The following SLF1 variants were observed in gnomAD, a reference collection of about 807,000 sequenced individuals.
SLF1 encodes SMC5-SMC6 complex localization factor protein 1.
Under a neutral mutation model 123.0 loss-of-function variants are expected in SLF1, and 105 were observed. The observed-to-expected ratio is 0.85, with a 90% CI of 0.73 to 1.00. The LOEUF (loss-of-function observed/expected upper bound fraction) is 1.00, where lower values mean the gene tolerates loss of function less well. Among genes scored for constraint, SLF1 ranks in the 50% least tolerant of loss-of-function variants. The pLI is 0.00. For synonymous variants in SLF1, 434 were observed against 406.6 expected, an observed-to-expected ratio of 1.07 and a Z score of -0.81; for missense variants, 1,239 against 1,223.0, an observed-to-expected ratio of 1.01 and a Z score of -0.20.
intron 20 of SLF1, 128 bp downstream of exon 20, chr5:94,692,384 A>G (rs1753132540): frequency 1.0e-6 from 1 of 959,576 alleles, no homozygotes; most frequent in Non-Finnish European, 1.5e-6. Context: ...TTAATGAAAA[A>G]GTAAGGATAA....
chr5:94,646,200 A>G (rs1468491528), intron 5 of SLF1, among the ~76,000 whole-genome samples: 1 of 152,180 alleles, frequency 6.6e-6, no homozygotes, highest in Non-Finnish European at 1.5e-5. Flanking sequence ...TAGCACTATG[A>G]TTGTGCCACT....
intron 16 of SLF1, 100 bp downstream of exon 16, chr5:94,686,818 T>G: frequency 7.5e-7 from 1 of 1,338,026 alleles, no homozygotes; most frequent in Admixed American, 2.4e-5. Context: ...GATGGAGGCT[T>G]GCTCTGTCGC....
intron 1 of SLF1, among the ~76,000 whole-genome samples, chr5:94,628,480 A>G (rs2152465988): frequency 6.6e-6 from 1 of 152,362 alleles, no homozygotes; most frequent in African/African-American, 2.4e-5. Context: ...TTATTATGCC[A>G]GTATTTGTAT....
At chr5:94,621,645 A>G (rs1472591719) in intron 1 of SLF1, among the ~76,000 whole-genome samples, 2 of 152,138 alleles carry the variant, frequency 1.3e-5, no homozygotes, top group East Asian at 1.9e-4. Context: ...CGAAATTAAC[A>G]TCTGCCCAGC....
At chr5:94,675,249 G>A (rs1443782579) in intron 14 of SLF1, among the ~76,000 whole-genome samples, 1 of 152,194 alleles carries the variant, frequency 6.6e-6, no homozygotes, top group East Asian at 1.9e-4. Flanking sequence ...AGATGATATA[G>A]AACCACATTG....
intron 1 of SLF1, among the ~76,000 whole-genome samples, chr5:94,628,388 C>T (rs1037007743): frequency 5.3e-5 from 8 of 152,220 alleles, no homozygotes; most frequent in African/African-American, 9.6e-5. Flanking sequence ...CCGCCGGCCT[C>T]GGCCTCCCAA....
intron 15 of SLF1, 105 bp downstream of exon 15, chr5:94,679,060 C>G: frequency 7.4e-7 from 1 of 1,347,458 alleles, no homozygotes; most frequent in East Asian, 2.3e-5. Flanking sequence ...TTGAAACTTT[C>G]CTTAAAATAG....
intron 9 of SLF1, 25 bp from the exon 10 acceptor site, chr5:94,662,273 T>C: frequency 6.5e-7 from 1 of 1,529,190 alleles, no homozygotes; most frequent in Non-Finnish European, 8.8e-7. Context: ...AATGTTGTTT[T>C]AATTATATGG....
At position 94,686,718 on chromosome 5, in the gene SLF1, GGTAA is replaced by G; in HGVS notation, c.2121+4_2121+7del. On this transcript the variant is annotated splice_donor_variant and splice_donor_region_variant and intron_variant, in intron 16 of 20. Coordinates refer to ENST00000265140, the MANE Select transcript of SLF1 (RefSeq NM_032290.4). LOFTEE classifies it high-confidence loss of function. ...CTGAGCCACTCTCTCTTCAGAAAAT[GGTAA>G]GTACCTCTCTATTCTGGTTCTTTAC... 1 of 1,613,050 alleles carries G rather than the reference GGTAA, an allele frequency of 6.2e-7. No individual in the cohort carries two copies.
intron 10 of SLF1, among the ~76,000 whole-genome samples, chr5:94,663,438 G>GT (rs1749367615): frequency 1.3e-5 from 2 of 152,220 alleles, no homozygotes; most frequent in Admixed American, 6.5e-5. Flanking sequence ...GAGGTCAGGA[G>GT]TTTGAGACCA....
At chr5:94,625,179 C>T (rs1186811225) in intron 1 of SLF1, among the ~76,000 whole-genome samples, 14 of 139,612 alleles carry the variant, frequency 1.0e-4, no homozygotes, top group South Asian at 2.3e-4. Context: ...GGCGACAGAG[C>T]GAGACTCCGT....
intron 4 of SLF1, 72 bp downstream of exon 4, chr5:94,630,815 TA>T (rs909603911): frequency 1.4e-6 from 2 of 1,476,222 alleles, no homozygotes; most frequent in Admixed American, 2.4e-5. Flanking sequence ...GTACTTTCTG[TA>T]TTTTTTTGCA....
intron 4 of SLF1, among the ~76,000 whole-genome samples, chr5:94,636,195 C>T (rs910704470): frequency 6.6e-6 from 1 of 152,090 alleles, no homozygotes; most frequent in African/African-American, 2.4e-5. Context: ...TTCTTATCTC[C>T]TGCTGCTTTC....
intron 9 of SLF1, among the ~76,000 whole-genome samples, chr5:94,659,429 GT>G (rs1300407411): frequency 6.6e-6 from 1 of 152,024 alleles, no homozygotes; most frequent in Non-Finnish European, 1.5e-5. Context: ...GCATAGTTAT[GT>G]TGCTATCTGT....
At chr5:94,645,184 G>A (rs1031942516) in intron 5 of SLF1, among the ~76,000 whole-genome samples, 3 of 152,150 alleles carry the variant, frequency 2.0e-5, no homozygotes, top group African/African-American at 7.2e-5. Context: ...TTCTCATAAT[G>A]AGAAGAAAGC....
At chr5:94,654,111 A>G (rs978755882) in intron 8 of SLF1, among the ~76,000 whole-genome samples, 8 of 152,174 alleles carry the variant, frequency 5.3e-5, no homozygotes, top group Non-Finnish European at 1.2e-4. Context: ...CAGAGGTTGC[A>G]GTGAGCCAAG....
In SLF1 at chr5:94,692,268, T is replaced by C; in HGVS notation, c.2695+12T>C. The C allele has an allele frequency of 6.2e-7, 1 of 1,606,622 alleles. No individual in the cohort carries two copies. On this transcript the variant is annotated intron_variant, in intron 20 of 20. Coordinates refer to ENST00000265140, the MANE Select transcript of SLF1 (RefSeq NM_032290.4). ...ACTACAGCATGGGGGTGAGTGTGTT[T>C]ATGCTAAATGGGTTTTGATAAATTA...
In SLF1 at chr5:94,682,041, C is replaced by T. The variant is rs554657482; in HGVS notation, c.1975+3086C>T. Among the ~76,000 whole-genome samples, 423 of 152,114 alleles carry T rather than the reference C, an allele frequency of 2.8e-3. 1 individual carries two copies. The highest frequency in any genetic ancestry group is 6.8e-3 in the Middle Eastern group (2 of 294). On this transcript the variant is annotated intron_variant, in intron 15 of 20. Coordinates refer to ENST00000265140, the MANE Select transcript of SLF1 (RefSeq NM_032290.4). The stretch of plus-strand genomic sequence containing the variant: ...GCATGTGTGTGTGTGTGCATGTGCG[C>T]GTGTGCACATGTATACATTTGGAGA...
intron 13 of SLF1, among the ~76,000 whole-genome samples, 165 bp from the exon 14 acceptor site, chr5:94,670,678 T>C (rs1246409270): frequency 1.3e-5 from 2 of 151,932 alleles, no homozygotes; most frequent in Non-Finnish European, 2.9e-5. Context: ...TTTATTGAAC[T>C]GGGGCCATTT....
Sources: gnomAD v4.1 joint callset for allele counts (sites outside exome capture counted in the v4.1 genomes callset) on GRCh38, gnomAD v4.1.1 for gene constraint, MANE v1.5 for transcripts, NCBI Gene and HGNC (gene_info 2026-07-23, HGNC 2026-07-21) for gene names.